The following DUSP28 variants were observed in gnomAD, a reference collection of about 807,000 sequenced individuals.
DUSP28 encodes the protein dual specificity phosphatase 28.
A neutral mutation model predicts 8.4 loss-of-function variants in DUSP28; 11 were observed. The observed-to-expected ratio is 1.31, with a 90% confidence interval of 0.83 to 2.17. The LOEUF (loss-of-function observed/expected upper bound fraction) is 2.17, where lower values mean the gene tolerates loss of function less well. Among genes scored for constraint, DUSP28 ranks in the 30% most tolerant of loss-of-function variants. DUSP28 has a pLI of 0.00. For missense variants in DUSP28, 373 were observed against 270.4 expected (o/e 1.38, Z -2.66); for synonymous variants, 178 against 130.9 (o/e 1.36, Z -2.46).
rs1008412316 is a variant in DUSP28, at chr2:240,562,943, T to C, written c.*1476T>C. 1.9e-5 allele frequency: 3 copies of C among 154,160 alleles called. No homozygotes were observed. 9.5% of individuals were successfully genotyped at this position (154,160 alleles called of 1,614,324 possible). ...GACTAATGGGGATGAGGTACTGTTA[T>C]AAGATGATGAACACCAGTATGTCAA... On this transcript the variant is annotated 3_prime_UTR_variant, in exon 2 of 2. Transcript: ENST00000405954.
chr2:240,561,357 G>A lies in DUSP28; in HGVS notation c.421G>A (p.Glu141Lys), dbSNP rs1471258165. ...QMVKSARPVA[E>K]PNPGFWSQLQ... ...GGTGAAGAGCGCTCGCCCGGTAGCA[G>A]AACCGAACCCGGGCTTCTGGTCTCA... The change falls in exon 2 of 2, where the codon GAA becomes AAA. Residue 141 changes from glutamate to lysine, a missense_variant. Physicochemically the swap from Glu to Lys is moderately conservative, Grantham distance 56. Coordinates refer to ENST00000405954, the MANE Select transcript of DUSP28 (RefSeq NM_001370465.2). The A allele has an allele frequency of 1.2e-6, 2 of 1,613,780 alleles. No individual in the cohort carries two copies. The highest frequency in any genetic ancestry group is 1.7e-6 in the Non-Finnish European group (2 of 1,180,044).
Position 240,561,537 on chromosome 2 carries a change from T to C in DUSP28, c.*70T>C, listed in dbSNP as rs1390045181. Reference sequence around the variant, plus strand: ...TACAGAAGGCTGGTCTTTACCCTTCTTCCTCACTGTCATATCGAGTTTTCC... The same window carrying C: ...TACAGAAGGCTGGTCTTTACCCTTCCTCCTCACTGTCATATCGAGTTTTCC... On this transcript the variant is annotated 3_prime_UTR_variant, in exon 2 of 2. Transcript: ENST00000405954. 1 of 1,519,010 alleles carries C rather than the reference T, an allele frequency of 6.6e-7. No homozygotes were observed. The highest frequency in any genetic ancestry group is 1.4e-5 in the African/African-American group (1 of 71,714). 94.1% of individuals were successfully genotyped at this position (1,519,010 alleles called of 1,614,324 possible).
Position 240,560,444 on chromosome 2 carries a change from C to A in DUSP28, c.-241C>A. 1 of 478,832 alleles carries A rather than the reference C, an allele frequency of 2.1e-6. No homozygotes were observed. Among genetic ancestry groups the A allele is most frequent in the Non-Finnish European group, 3.3e-6 (1 of 301,040 alleles). 29.7% of individuals were successfully genotyped at this position (478,832 alleles called of 1,614,324 possible). On this transcript the variant is annotated 5_prime_UTR_variant, in exon 1 of 2. Coordinates refer to ENST00000405954, the MANE Select transcript of DUSP28 (RefSeq NM_001370465.2). The stretch of plus-strand genomic sequence containing the variant: ...ACATGGGACGCAGAGCGGTCCAAGG[C>A]CCCGGCGCCCTGGTGAGGCCCAAAC...
In DUSP28 at chr2:240,561,299, TGGG is replaced by T. The variant is rs755927024; in HGVS notation, c.394-29_394-27del. 5 of 1,613,134 alleles carry T rather than the reference TGGG, an allele frequency of 3.1e-6. No individual in the cohort carries two copies. The Admixed American group carries it at 8.3e-5, about 27-fold the overall frequency. ...GCCCCTGCTGGCCATTAGCGCGACT[TGGG>T]GTTATTCAGTACACTTCTTGTTTGC... On this transcript the variant is annotated intron_variant, in intron 1 of 1. Transcript: ENST00000405954.
chr2:240,561,433 A>C lies in DUSP28; in HGVS notation c.497A>C (p.Glu166Ala). 1 of 1,613,614 alleles carries C rather than the reference A, an allele frequency of 6.2e-7. No individual in the cohort carries two copies. Among genetic ancestry groups the C allele is most frequent in the Non-Finnish European group, 8.5e-7 (1 of 1,179,990 alleles). ...ALQAQSCLQG[E>A]PPALGLGPEA ...CAGGCCCAGTCCTGCCTGCAGGGAG[A>C]GCCCCCAGCCTTAGGGTTGGGCCCT... Residue 166 changes from glutamate to alanine, a missense_variant, in exon 2 of 2, where the codon GAG becomes GCG. By Grantham distance (107) the Glu-to-Ala change is moderately radical (BLOSUM62 -1). Coordinates refer to ENST00000405954, the MANE Select transcript of DUSP28 (RefSeq NM_001370465.2).
chr2:240,561,335 G>T lies in DUSP28; in HGVS notation c.399G>T (p.Val133=), dbSNP rs770488382. 26 of 1,613,784 alleles carry T rather than the reference G, an allele frequency of 1.6e-5. No homozygotes were observed. The Admixed American group carries it at 3.2e-4, about 20-fold the overall frequency. Reference sequence around the variant, plus strand: ...AGTACACTTCTTGTTTGCAGATGGTGAAGAGCGCTCGCCCGGTAGCAGAAC... The same window carrying T: ...AGTACACTTCTTGTTTGCAGATGGTTAAGAGCGCTCGCCCGGTAGCAGAAC... ...GLSLAKAFQM[V]KSARPVAEPN... is the part of the protein sequence containing the mutation. Residue 133 remains valine (V), a synonymous_variant, in exon 2 of 2, where the codon GTG becomes GTT. Transcript: ENST00000405954.
rs971290026 is a variant in DUSP28, at chr2:240,560,415, G to A, written c.-270G>A. The A allele has an allele frequency of 4.7e-5, 17 of 361,664 alleles. No individual in the cohort carries two copies. The Admixed American group carries it at 5.4e-4, about 12-fold the overall frequency. 22.4% of individuals were successfully genotyped at this position (361,664 alleles called of 1,614,324 possible). A position where few individuals can be genotyped will look rare whatever the true frequency, so the allele number is the denominator to read the frequency against. ...GCGGGGAGGACGGCGCCCGGGGACA[G>A]AGAACATGGGACGCAGAGCGGTCCA... On this transcript the variant is annotated 5_prime_UTR_variant, in exon 1 of 2. Coordinates refer to ENST00000405954, the MANE Select transcript of DUSP28 (RefSeq NM_001370465.2).
rs1217526857 is a variant in DUSP28 at position 240,562,802 on chromosome 2, A to G, written c.*1335A>G. 6.6e-6 allele frequency: 1 copy of G among 152,628 alleles called. No homozygotes were observed. Among genetic ancestry groups the G allele is most frequent in the Non-Finnish European group, 1.5e-5 (1 of 68,042 alleles). The allele number at this position is 152,628 out of a possible 1,614,324, so 9.5% of individuals were successfully genotyped here. ...GAAATTTTACCTGCCCAAGTTCTTC[A>G]CTGAGATTGAATGTGCTGGCCATGG... On this transcript the variant is annotated 3_prime_UTR_variant, in exon 2 of 2. Transcript: ENST00000405954.
Position 240,565,067 on chromosome 2 carries a change from C to T in DUSP28, c.*3600C>T, listed in dbSNP as rs1239733899. On this transcript the variant is annotated 3_prime_UTR_variant, in exon 2 of 2. Coordinates refer to ENST00000405954, the MANE Select transcript of DUSP28 (RefSeq NM_001370465.2). Reference sequence around the variant, plus strand: ...ATTCCTTCTCTAGTTCAGACACCACCTCTCCTGGACATCCTGTGGCCTAAA... The same window carrying T: ...ATTCCTTCTCTAGTTCAGACACCACTTCTCCTGGACATCCTGTGGCCTAAA... Among the ~76,000 whole-genome samples, 4 of 152,224 alleles carry T rather than the reference C, an allele frequency of 2.6e-5. No homozygotes were observed. Among genetic ancestry groups the T allele is most frequent in the Non-Finnish European group, 4.4e-5 (3 of 68,038 alleles).
Position 240,560,674 on chromosome 2 carries a change from C to T in DUSP28, c.-11C>T, listed in dbSNP as rs779621009. The stretch of plus-strand genomic sequence containing the variant: ...CCTCAGGGCCCAAAAGCAGACTCTT[C>T]GGCGGGCGCCATGGGACCGGCAGAA... On this transcript the variant is annotated 5_prime_UTR_variant, in exon 1 of 2. Transcript: ENST00000405954. The T allele has an allele frequency of 2.0e-6, 3 of 1,508,820 alleles. No individual in the cohort carries two copies. Among genetic ancestry groups the T allele is most frequent in the Admixed American group, 2.3e-5 (1 of 44,436 alleles). 93.5% of individuals were successfully genotyped at this position (1,508,820 alleles called of 1,614,324 possible). A position where few individuals can be genotyped will look rare whatever the true frequency, so the allele number is the denominator to read the frequency against.
chr2:240,564,603 G>C lies in DUSP28; in HGVS notation c.*3136G>C, dbSNP rs1038556393. 6.6e-6 allele frequency among the ~76,000 whole-genome samples: 1 copy of C among 152,222 alleles called. No homozygotes were observed. Among genetic ancestry groups the C allele is most frequent in the Non-Finnish European group, 1.5e-5 (1 of 68,044 alleles). On this transcript the variant is annotated 3_prime_UTR_variant, in exon 2 of 2. Transcript: ENST00000405954. Reference sequence around the variant, plus strand: ...AGAAACTGAATGCAGGGAGAAGAAGGCTGGGGAGCCAAGGACAGGAGAGGA... The same window carrying C: ...AGAAACTGAATGCAGGGAGAAGAAGCCTGGGGAGCCAAGGACAGGAGAGGA...
chr2:240,563,845 A>G lies in DUSP28; in HGVS notation c.*2378A>G, dbSNP rs750102665. The G allele has an allele frequency of 7.2e-5, 11 of 152,390 alleles. No individual in the cohort carries two copies. Among genetic ancestry groups the G allele is most frequent in the East Asian group, 5.6e-4 (3 of 5,338 alleles). 9.4% of individuals were successfully genotyped at this position (152,390 alleles called of 1,614,324 possible). ...TTAAACGTGTCCCATGAATCTTGTC[A>G]TAACAGTTTTGTGTTCCTTAACTAT... On this transcript the variant is annotated 3_prime_UTR_variant, in exon 2 of 2. Transcript: ENST00000405954.
chr2:240,560,492 A>G lies in DUSP28; in HGVS notation c.-193A>G. 1.2e-6 allele frequency: 1 copy of G among 847,624 alleles called. No individual in the cohort carries two copies. The highest frequency in any genetic ancestry group is 3.4e-5 in the East Asian group (1 of 29,046). 52.5% of individuals were successfully genotyped at this position (847,624 alleles called of 1,614,324 possible). A position where few individuals can be genotyped will look rare whatever the true frequency, so the allele number is the denominator to read the frequency against. Reference sequence around the variant, plus strand: ...AACCTCCCGCCATGCCCCGGCCCCAACGAGACCCAAGCCCCCTGTCCCGGC... The same window carrying G: ...AACCTCCCGCCATGCCCCGGCCCCAGCGAGACCCAAGCCCCCTGTCCCGGC... On this transcript the variant is annotated 5_prime_UTR_variant, in exon 1 of 2. Coordinates refer to ENST00000405954, the MANE Select transcript of DUSP28 (RefSeq NM_001370465.2).
At position 240,560,840 on chromosome 2, in the gene DUSP28, C is replaced by T. The variant is rs1389040868; in HGVS notation, c.156C>T (p.Ser52=). The T allele has an allele frequency of 1.4e-6, 2 of 1,397,282 alleles. No homozygotes were observed. The highest frequency in any genetic ancestry group is 3.0e-5 in the East Asian group (1 of 32,924). 86.6% of individuals were successfully genotyped at this position (1,397,282 alleles called of 1,614,324 possible). Residue 52 remains serine (S), a synonymous_variant, in exon 1 of 2, where the codon TCC becomes TCT. Coordinates refer to ENST00000405954, the MANE Select transcript of DUSP28 (RefSeq NM_001370465.2). ...GAGTCACGCTGTGCGTCAACGTCTC[C>T]CGCCAGCAGCCCGGCCCGCGCGCGC... ...RAGVTLCVNV[S]RQQPGPRAPG...
rs2092995161 is a variant in DUSP28 at position 240,564,100 on chromosome 2, G to A, written c.*2633G>A. The A allele has an allele frequency of 6.6e-6, 1 of 152,366 alleles. No homozygotes were observed. Among genetic ancestry groups the A allele is most frequent in the Non-Finnish European group, 1.5e-5 (1 of 68,046 alleles). 9.4% of individuals were successfully genotyped at this position (152,366 alleles called of 1,614,324 possible). A position where few individuals can be genotyped will look rare whatever the true frequency, so the allele number is the denominator to read the frequency against. The stretch of plus-strand genomic sequence containing the variant: ...TTGGCTGTACATATAATTGCTGACT[G>A]TGGGTTGCAGAAATTTCTCTCAAGC... On this transcript the variant is annotated 3_prime_UTR_variant, in exon 2 of 2. Transcript: ENST00000405954.
chr2:240,564,855 C>T lies in DUSP28; in HGVS notation c.*3388C>T, dbSNP rs971643115. On this transcript the variant is annotated 3_prime_UTR_variant, in exon 2 of 2. Transcript: ENST00000405954. ...GGGAGAAGGAGGCTGTGCTGACAGA[C>T]GGCCTGGTGAGGGAACCCGGGAGGC... 4.6e-5 allele frequency among the ~76,000 whole-genome samples: 7 copies of T among 152,214 alleles called. No individual in the cohort carries two copies. The highest frequency in any genetic ancestry group is 1.2e-4 in the African/African-American group (5 of 41,452).
At position 240,565,158 on chromosome 2, in the gene DUSP28, A is replaced by G. The variant is rs1300203812; in HGVS notation, c.*3691A>G. Reference sequence around the variant, plus strand: ...AAGAAAAGGAAAATGTGTGTAATACATGTGAATCACAGATAACGTAGTCAT... The same window carrying G: ...AAGAAAAGGAAAATGTGTGTAATACGTGTGAATCACAGATAACGTAGTCAT... On this transcript the variant is annotated 3_prime_UTR_variant, in exon 2 of 2. Coordinates refer to ENST00000405954, the MANE Select transcript of DUSP28 (RefSeq NM_001370465.2). Among the ~76,000 whole-genome samples the G allele has an allele frequency of 6.6e-6, 1 of 152,216 alleles. No individual in the cohort carries two copies. Among genetic ancestry groups the G allele is most frequent in the Non-Finnish European group, 1.5e-5 (1 of 68,036 alleles).
chr2:240,560,875 C>G lies in DUSP28; in HGVS notation c.191C>G (p.Ala64Gly). ...CCCGGCCCGCGCGCGCCCGGCGTGG[C>G]AGAGCTGCGCGTGCCCGTGTTCGAC... The part of the protein sequence containing the change: ...QQPGPRAPGV[A>G]ELRVPVFDDP... The change falls in exon 1 of 2, where the codon GCA (alanine) becomes GGA (glycine). Residue 64 changes from alanine to glycine, a missense_variant. Coordinates refer to ENST00000405954, the MANE Select transcript of DUSP28 (RefSeq NM_001370465.2). 7.0e-7 allele frequency: 1 copy of G among 1,422,564 alleles called. No homozygotes were observed. Among genetic ancestry groups the G allele is most frequent in the South Asian group, 1.3e-5 (1 of 75,226 alleles). 88.1% of individuals were successfully genotyped at this position (1,422,564 alleles called of 1,614,324 possible).
rs777055749 is a variant in DUSP28, at chr2:240,561,063, G to C, written c.379G>C (p.Ala127Pro). The C allele has an allele frequency of 3.3e-6, 5 of 1,493,192 alleles. No homozygotes were observed. The highest frequency in any genetic ancestry group is 1.3e-5 in the South Asian group (1 of 77,346). 92.5% of individuals were successfully genotyped at this position (1,493,192 alleles called of 1,614,324 possible). The change falls in exon 1 of 2, where the codon GCG becomes CCG. Residue 127 changes from alanine to proline, a missense_variant. Ala to Pro is a conservative substitution (Grantham distance 27). Transcript: ENST00000405954. Reference sequence around the variant, plus strand: ...CATGCGGCACCGCGGCCTCAGCCTGGCGAAGGCCTTCCAGGTGGGCGGGCC... The same window carrying C: ...CATGCGGCACCGCGGCCTCAGCCTGCCGAAGGCCTTCCAGGTGGGCGGGCC... ...YLMRHRGLSL[A>P]KAFQMVKSAR...
Sources: allele counts gnomAD v4.1 joint callset (sites outside exome capture counted in the v4.1 genomes callset), GRCh38; gene constraint gnomAD v4.1.1; transcripts MANE v1.5; gene names NCBI Gene and HGNC (gene_info 2026-07-23, HGNC 2026-07-21).